The following RNGTT variants were observed in gnomAD, a reference collection of about 807,000 sequenced individuals.
RNGTT encodes the protein RNA guanylyltransferase and 5'-phosphatase.
In RNGTT, 33 loss-of-function variants were observed where a neutral mutation model predicts 79.3. That is an observed-to-expected ratio of 0.42 (90% confidence interval 0.32 to 0.56). RNGTT has a LOEUF of 0.56. RNGTT is among the 20% of genes least tolerant of loss of function. The pLI is 0.17. For synonymous variants in RNGTT, 222 were observed against 235.9 expected, an observed-to-expected ratio of 0.94 and a Z score of 0.54; for missense variants, 497 against 739.1, an observed-to-expected ratio of 0.67 and a Z score of 3.80.
chr6:88,641,113 G>C (rs1252872703), intron 14 of RNGTT, among the ~76,000 whole-genome samples: 1 of 152,092 alleles, frequency 6.6e-6, no homozygotes, highest in Non-Finnish European at 1.5e-5. Context: ...GGCCAAGGCG[G>C]GTGGATCACA....
intron 8 of RNGTT, among the ~76,000 whole-genome samples, chr6:88,866,578 A>G (rs1191683341): frequency 1.3e-5 from 2 of 152,192 alleles, no homozygotes; most frequent in East Asian, 3.9e-4. Flanking sequence ...ATATTTTACT[A>G]TCTCCTAAGG....
At chr6:88,657,978 G>T (rs1432617532) in intron 14 of RNGTT, among the ~76,000 whole-genome samples, 1 of 152,108 alleles carries the variant, frequency 6.6e-6, no homozygotes, top group African/African-American at 2.4e-5. Context: ...ACCCGCCCTG[G>T]TAGGCAAAGA....
intron 11 of RNGTT, among the ~76,000 whole-genome samples, chr6:88,825,851 C>A (rs1780638738): frequency 1.3e-5 from 2 of 152,150 alleles, no homozygotes; most frequent in Non-Finnish European, 2.9e-5. Flanking sequence ...TTTGCATTTT[C>A]CACTATCCTT....
At position 88,941,102 on chromosome 6, in the gene RNGTT, C is replaced by G; in HGVS notation, c.143G>C (p.Ser48Thr). The G allele has an allele frequency of 6.2e-7, 1 of 1,612,904 alleles. No homozygotes were observed. The highest frequency in any genetic ancestry group is 1.7e-5 in the Admixed American group (1 of 59,982). ...GCTCTTTAGGTAATTTGAGAGCATG[C>G]TGGGATGGAACCGATTTTCTTCAGC... ...QVAEENRFHP[S>T]MLSNYLKSLK... The change falls in exon 2 of 16, where the codon AGC becomes ACC. Residue 48 changes from serine (S) to threonine (T), a missense_variant. Physicochemically the swap from Ser to Thr is moderately conservative, Grantham distance 58. Transcript: ENST00000369485.
intron 14 of RNGTT, among the ~76,000 whole-genome samples, chr6:88,630,596 A>AT (rs1481484080): frequency 2.0e-5 from 3 of 152,206 alleles, no homozygotes; most frequent in Non-Finnish European, 4.4e-5. Context: ...AAATAGCTGA[A>AT]TTTAACCTTA....
intron 1 of RNGTT, among the ~76,000 whole-genome samples, chr6:88,961,283 C>T (rs965268540): frequency 2.6e-5 from 4 of 151,836 alleles, no homozygotes; most frequent in African/African-American, 9.7e-5. Flanking sequence ...ACCTTGTGAT[C>T]GTGTGAGTTA....
chr6:88,956,064 A>AG (rs1785421600), intron 1 of RNGTT, among the ~76,000 whole-genome samples: 1 of 150,514 alleles, frequency 6.6e-6, no homozygotes, highest in East Asian at 1.9e-4. Context: ...AAAAAAAAAA[A>AG]GCTGGTTCTT....
At chr6:88,817,942 GTAGAA>G (rs1780373932) in intron 11 of RNGTT, among the ~76,000 whole-genome samples, 1 of 151,340 alleles carries the variant, frequency 6.6e-6, no homozygotes, top group Admixed American at 6.6e-5. Flanking sequence ...TGTACTTTTA[GTAGAA>G]ACGGGGTTTC....
intron 11 of RNGTT, among the ~76,000 whole-genome samples, chr6:88,817,652 CA>C (rs766112563): frequency 2.0e-5 from 3 of 151,710 alleles, no homozygotes; most frequent in Non-Finnish European, 4.4e-5. Context: ...AACTAATCAG[CA>C]ACCTTAACCC....
At chr6:88,888,827 C>T (rs1312754989) in intron 8 of RNGTT, among the ~76,000 whole-genome samples, 2 of 152,086 alleles carry the variant, frequency 1.3e-5, no homozygotes, top group Admixed American at 6.6e-5. Context: ...ATAGGGAGTT[C>T]GAGACCAGCC....
intron 8 of RNGTT, among the ~76,000 whole-genome samples, chr6:88,858,315 A>G (rs2127911385): frequency 6.6e-6 from 1 of 152,308 alleles, no homozygotes; most frequent in East Asian, 1.9e-4. Flanking sequence ...TAGGGTTATA[A>G]CAGCAAATGG....
chr6:88,723,466 G>A (rs1202849418), intron 13 of RNGTT, among the ~76,000 whole-genome samples: 2 of 152,088 alleles, frequency 1.3e-5, no homozygotes, highest in African/African-American at 2.4e-5. Context: ...GCTGCCCGTT[G>A]CTACTTTGCA....
intron 14 of RNGTT, among the ~76,000 whole-genome samples, chr6:88,643,951 G>C (rs1343355080): frequency 6.6e-6 from 1 of 152,072 alleles, no homozygotes; most frequent in Non-Finnish European, 1.5e-5. Flanking sequence ...AACTAGAGAA[G>C]CAAGAGCAAA....
intron 14 of RNGTT, among the ~76,000 whole-genome samples, chr6:88,636,687 T>G (rs750481508): frequency 5.3e-5 from 8 of 151,208 alleles, no homozygotes; most frequent in Non-Finnish European, 7.4e-5. Context: ...AAACACATTA[T>G]TAATTATAAA....
intron 14 of RNGTT, among the ~76,000 whole-genome samples, chr6:88,622,397 T>C (rs1772470681): frequency 6.6e-6 from 1 of 152,114 alleles, no homozygotes; most frequent in African/African-American, 2.4e-5. Context: ...TATCATTCTT[T>C]CATCTACTCT....
At chr6:88,898,116 A>G (rs548319203) in intron 6 of RNGTT, among the ~76,000 whole-genome samples, 1 of 152,270 alleles carries the variant, frequency 6.6e-6, no homozygotes, top group South Asian at 2.1e-4. Flanking sequence ...TTATTCTAAT[A>G]AATCTCCAGA....
intron 13 of RNGTT, among the ~76,000 whole-genome samples, chr6:88,725,802 C>T (rs2127816391): frequency 6.6e-6 from 1 of 152,236 alleles, no homozygotes; most frequent in East Asian, 1.9e-4. Flanking sequence ...CCACTCCAGC[C>T]AGTCCCTCCC....
At chr6:88,709,100 G>A (rs1402258020) in intron 13 of RNGTT, among the ~76,000 whole-genome samples, 14 of 152,052 alleles carry the variant, frequency 9.2e-5, no homozygotes, top group Admixed American at 9.2e-4. Context: ...ATGAGGTCAG[G>A]AGTTCGAGAC....
intron 11 of RNGTT, among the ~76,000 whole-genome samples, chr6:88,843,548 C>CTTCTTTT (rs1437292319): frequency 1.5e-5 from 1 of 66,656 alleles, no homozygotes; most frequent in African/African-American, 6.8e-5. Context: ...TAGTATGATT[C>CTTCTTTT]TTTTTTTTTT....
Sources: allele counts gnomAD v4.1 joint callset (sites outside exome capture counted in the v4.1 genomes callset), GRCh38; gene constraint gnomAD v4.1.1; transcripts MANE v1.5; gene names NCBI Gene and HGNC (gene_info 2026-07-23, HGNC 2026-07-21).